SCHIP1: variants seen among roughly 807,000 people sequenced by gnomAD.
The protein encoded by SCHIP1 is schwannomin-interacting protein 1.
In SCHIP1, 8 loss-of-function variants were observed where a neutral mutation model predicts 29.7. The ratio of observed to expected loss-of-function variants is 0.27; its 90% CI spans 0.16 to 0.49. The LOEUF (loss-of-function observed/expected upper bound fraction) is 0.49. SCHIP1 is among the 20% of genes least tolerant of loss of function. The pLI, the probability that SCHIP1 is intolerant of heterozygous loss-of-function variation, is 0.99. For missense variants in SCHIP1, 193 were observed against 294.6 expected (o/e 0.66, Z 2.52); for synonymous variants, 76 against 94.9 (o/e 0.80, Z 1.16).
chr3:159,710,030 A>C, the SCHIP1 span, among the ~76,000 whole-genome samples: 1 of 152,284 alleles, frequency 6.6e-6, no homozygotes, highest in Non-Finnish European at 1.5e-5. Context: ...AATAATATGG[A>C]GATTCCTCCA....
At chr3:159,627,028 C>A in the SCHIP1 span, among the ~76,000 whole-genome samples, 2 of 152,144 alleles carry the variant, frequency 1.3e-5, no homozygotes, top group Non-Finnish European at 2.9e-5. Flanking sequence ...GCTCTCCCTC[C>A]CTTTGCCCCC....
chr3:159,305,503 C>T, the SCHIP1 span, among the ~76,000 whole-genome samples: 4 of 152,226 alleles, frequency 2.6e-5, no homozygotes, highest in African/African-American at 9.6e-5. Context: ...CTGTCTAAAG[C>T]GAATCCTTTT....
chr3:159,450,953 C>T, the SCHIP1 span, among the ~76,000 whole-genome samples: 4 of 151,886 alleles, frequency 2.6e-5, no homozygotes, highest in Non-Finnish European at 4.4e-5. Context: ...GGACTACAGG[C>T]ACCCACCACC....
the SCHIP1 span, among the ~76,000 whole-genome samples, chr3:159,397,499 C>T: frequency 2.6e-5 from 4 of 152,142 alleles, no homozygotes; most frequent in Middle Eastern, 3.4e-3. Context: ...ATGGGTTTTT[C>T]GTGTGGATGT....
the SCHIP1 span, among the ~76,000 whole-genome samples, chr3:159,433,573 T>C: frequency 2.6e-5 from 4 of 152,296 alleles, no homozygotes; most frequent in South Asian, 8.3e-4. Flanking sequence ...GATTAAAATA[T>C]GGTCTTTGGA....
chr3:159,832,452 T>C, the SCHIP1 span, among the ~76,000 whole-genome samples: 19 of 152,040 alleles, frequency 1.2e-4, no homozygotes, highest in Admixed American at 4.6e-4. Flanking sequence ...ATCAGCTACA[T>C]TGGCAACCTC....
the SCHIP1 span, among the ~76,000 whole-genome samples, chr3:159,618,283 T>A: frequency 0.17 from 26,119 of 152,158 alleles, 6,397 homozygotes; most frequent in African/African-American, 0.54. Context: ...CAGTTCCATG[T>A]TATCACTCAA....
the SCHIP1 span, among the ~76,000 whole-genome samples, chr3:159,786,182 A>G: frequency 6.6e-6 from 1 of 152,240 alleles, no homozygotes; most frequent in Non-Finnish European, 1.5e-5. Flanking sequence ...TTGTAGTGCC[A>G]TGAAGCAAAA....
chr3:159,508,088 G>A, the SCHIP1 span, among the ~76,000 whole-genome samples: 7 of 152,196 alleles, frequency 4.6e-5, no homozygotes, highest in East Asian at 1.9e-4. Context: ...CTGTGAATCC[G>A]TCTGGTCCTG....
At chr3:159,795,793 G>A in the SCHIP1 span, among the ~76,000 whole-genome samples, 1 of 152,306 alleles carries the variant, frequency 6.6e-6, no homozygotes, top group East Asian at 1.9e-4. Flanking sequence ...TGGAGACAAG[G>A]AAGAGCAGTT....
the SCHIP1 span, among the ~76,000 whole-genome samples, chr3:159,295,263 A>C: frequency 6.9e-6 from 1 of 144,758 alleles, no homozygotes; most frequent in Admixed American, 6.8e-5. Context: ...TAAAAAAAAA[A>C]AAAAAAAAAA....
the SCHIP1 span, among the ~76,000 whole-genome samples, chr3:159,712,730 A>AGAAGG: frequency 2.6e-5 from 4 of 151,472 alleles, no homozygotes; most frequent in East Asian, 3.9e-4. Context: ...GGAAGGGAAG[A>AGAAGG]GAAGGGAAGG....
the SCHIP1 span, among the ~76,000 whole-genome samples, chr3:159,596,530 CAA>C: frequency 2.6e-5 from 4 of 152,074 alleles, no homozygotes; most frequent in Non-Finnish European, 4.4e-5. Context: ...TTCACAATAG[CAA>C]AGACTTGGAA....
chr3:159,415,716 C>G, the SCHIP1 span, among the ~76,000 whole-genome samples: 3 of 152,116 alleles, frequency 2.0e-5, no homozygotes, highest in Non-Finnish European at 4.4e-5. Flanking sequence ...AGGTTAATTC[C>G]AATGTCTTTG....
At chr3:159,282,119 G>C in the SCHIP1 span, among the ~76,000 whole-genome samples, 1 of 151,940 alleles carries the variant, frequency 6.6e-6, no homozygotes, top group Non-Finnish European at 1.5e-5. Flanking sequence ...TGTCAACATT[G>C]AGTGTTCATA....
At chr3:159,547,712 A>G in the SCHIP1 span, among the ~76,000 whole-genome samples, 4 of 152,144 alleles carry the variant, frequency 2.6e-5, no homozygotes, top group East Asian at 3.9e-4. Flanking sequence ...CGAAGATCAG[A>G]TGGTTGTAGA....
chr3:159,874,671 GTCAA>G (rs1715600655), intron 2 of SCHIP1, among the ~76,000 whole-genome samples: 1 of 152,162 alleles, frequency 6.6e-6, no homozygotes, highest in Non-Finnish European at 1.5e-5. Context: ...TGCCAAGAAA[GTCAA>G]TCATCCTTTT....
chr3:159,640,945 T>C, the SCHIP1 span, among the ~76,000 whole-genome samples: 1 of 152,210 alleles, frequency 6.6e-6, no homozygotes, highest in Non-Finnish European at 1.5e-5. Flanking sequence ...GCAGGTGGCA[T>C]GTCATGGTGG....
chr3:159,553,967 C>CGTGTGTGTGTGT, the SCHIP1 span, among the ~76,000 whole-genome samples: 32 of 115,794 alleles, frequency 2.8e-4, no homozygotes, highest in East Asian at 1.0e-3. Context: ...CGCCCAGCTA[C>CGTGTGTGTGTGT]GTGTGTGTGT....
Sources: allele counts gnomAD v4.1 joint callset (sites outside exome capture counted in the v4.1 genomes callset), GRCh38; gene constraint gnomAD v4.1.1; transcripts MANE v1.5; gene names NCBI Gene and HGNC (gene_info 2026-07-23, HGNC 2026-07-21).